Variants in AHRR observed in about 807,000 individuals in gnomAD.
The protein encoded by AHRR is ahR repressor.
Under a neutral mutation model 44.0 loss-of-function variants are expected in AHRR, and 28 were observed. The ratio of observed to expected loss-of-function variants is 0.64; its 90% CI spans 0.47 to 0.87. AHRR has a LOEUF of 0.87. Among genes scored for constraint, AHRR ranks in the 40% least tolerant of loss-of-function variants. AHRR has a pLI of 0.00. For missense variants in AHRR, 990 were observed against 953.9 expected, an observed-to-expected ratio of 1.04 and a Z score of -0.50; for synonymous variants, 434 against 407.0, an observed-to-expected ratio of 1.07 and a Z score of -0.80.
At chr5:354,001 GTC>G in intron 3 of AHRR, 90 bp downstream of exon 3, 3 of 1,386,204 alleles carry the variant, frequency 2.2e-6, no homozygotes, top group Non-Finnish European at 3.0e-6. Flanking sequence ...GGTGAAGTGT[GTC>G]TGGTGGGTTG....
chr5:407,328 A>AT (rs962228852), intron 4 of AHRR, among the ~76,000 whole-genome samples: 1 of 152,060 alleles, frequency 6.6e-6, no homozygotes, highest in African/African-American at 2.4e-5. Context: ...TTCAAATACA[A>AT]TTTTTTGTGT....
chr5:435,479 C>T lies in AHRR; in HGVS notation c.*645C>T, dbSNP rs1186200660. 1 of 152,706 alleles carries T rather than the reference C, an allele frequency of 6.5e-6. No homozygotes were observed. The highest frequency in any genetic ancestry group is 1.5e-5 in the Non-Finnish European group (1 of 68,326). 9.5% of individuals were successfully genotyped at this position (152,706 alleles called of 1,614,324 possible). On this transcript the variant is annotated 3_prime_UTR_variant, in exon 11 of 11. Transcript: ENST00000684583. ...CAGCAGAGGCTGGCAGCGTGGGTCC[C>T]ACACTGCCCCACACCGTGCGGCAGG...
intron 10 of AHRR, among the ~76,000 whole-genome samples, 183 bp from the exon 11 acceptor site, chr5:433,670 C>A (rs1327636192): frequency 1.3e-5 from 2 of 150,314 alleles, no homozygotes; most frequent in Non-Finnish European, 3.0e-5. Context: ...GGGTGGGGTG[C>A]TGGCACAGCC....
intron 5 of AHRR, chr5:421,331 G>A (rs1003355083): frequency 5.6e-5 from 39 of 693,864 alleles, no homozygotes; most frequent in Non-Finnish European, 8.9e-5. Context: ...TGCGGGGCAG[G>A]GGGATGCCGG....
At position 404,501 on chromosome 5, in the gene AHRR, A is replaced by C; in HGVS notation, c.352-8843A>C. On this transcript the variant is annotated intron_variant, in intron 4 of 10. Coordinates refer to ENST00000684583, the MANE Select transcript of AHRR (RefSeq NM_001377236.1). This position sits in a 1 kb window ranked among gnomAD's most constrained non-coding sequence, Gnocchi z 4.1. ...AAACATCTAACGCAACTATTTTCAGACTTTACGGTTTGTAGTGATAACCTC... is the reference window on the plus strand; with the variant it reads ...AAACATCTAACGCAACTATTTTCAGCCTTTACGGTTTGTAGTGATAACCTC... 1 of 450,836 alleles carries C rather than the reference A, an allele frequency of 2.2e-6. No homozygotes were observed. Among genetic ancestry groups the C allele is most frequent in the Non-Finnish European group, 4.4e-6 (1 of 224,724 alleles). 27.9% of individuals were successfully genotyped at this position (450,836 alleles called of 1,614,324 possible). A position where few individuals can be genotyped will look rare whatever the true frequency, so the allele number is the denominator to read the frequency against.
At chr5:416,648 A>G (rs1020308627) in intron 5 of AHRR, among the ~76,000 whole-genome samples, 1 of 152,118 alleles carries the variant, frequency 6.6e-6, no homozygotes. Flanking sequence ...CTCAGATCCC[A>G]TGGAGCTGCC....
intron 4 of AHRR, among the ~76,000 whole-genome samples, chr5:412,542 G>C (rs1735505588): frequency 6.6e-6 from 1 of 152,106 alleles, no homozygotes; most frequent in East Asian, 1.9e-4. Flanking sequence ...GGTTAAGTGA[G>C]GTTAATCAAT....
chr5:332,263 C>CTT lies in AHRR; in HGVS notation c.-11+10465_-11+10466dup, dbSNP rs36049046. ...AAGAAGAAAGAAAAATCTGTTAAGA[C>CTT]TTTTTTTTTTTTTTTTTTTTTTAAG... is the stretch of plus-strand genomic sequence containing the variant. On this transcript the variant is annotated intron_variant, in intron 1 of 10. Transcript: ENST00000684583. Among the ~76,000 whole-genome samples the CTT allele has an allele frequency of 2.9e-3, 340 of 116,970 alleles. 5 individuals are homozygous for CTT. Among genetic ancestry groups the CTT allele is most frequent in the East Asian group, 0.013 (54 of 4,010 alleles). 76.7% of individuals were successfully genotyped at this position (116,970 alleles called of 152,430 possible).
intron 1 of AHRR, among the ~76,000 whole-genome samples, chr5:325,204 C>T (rs1179240238): frequency 6.6e-6 from 1 of 152,238 alleles, no homozygotes; most frequent in Non-Finnish European, 1.5e-5. Flanking sequence ...CCCCGACCCG[C>T]TCTTGCCCTG....
At chr5:417,344 C>T (rs1288801817) in intron 5 of AHRR, among the ~76,000 whole-genome samples, 1 of 150,720 alleles carries the variant, frequency 6.6e-6, no homozygotes, top group Admixed American at 6.6e-5. Flanking sequence ...ATGTGCAGGG[C>T]CTGAGTTTAG....
chr5:372,665 AC>A (rs1248295701), intron 3 of AHRR, among the ~76,000 whole-genome samples: 2 of 150,718 alleles, frequency 1.3e-5, no homozygotes, highest in East Asian at 3.9e-4. Flanking sequence ...CTGACCTCCC[AC>A]CCTCCGTCTG....
chr5:363,425 G>A (rs1464468309), intron 3 of AHRR, among the ~76,000 whole-genome samples: 2 of 152,154 alleles, frequency 1.3e-5, no homozygotes, highest in Non-Finnish European at 2.9e-5. Context: ...TTAGCCCTAG[G>A]TGGCCGTGGT....
intron 3 of AHRR, among the ~76,000 whole-genome samples, chr5:369,855 G>A (rs1027697744): frequency 6.6e-6 from 1 of 152,200 alleles, no homozygotes; most frequent in Non-Finnish European, 1.5e-5. Flanking sequence ...AAGGCAAAAC[G>A]GTTTCTCATC....
At chr5:413,784 C>A (rs543295881) in intron 5 of AHRR, among the ~76,000 whole-genome samples, 1 of 152,350 alleles carries the variant, frequency 6.6e-6, no homozygotes, top group African/African-American at 2.4e-5. Context: ...TAAGCCTCAG[C>A]TTCTTGGTGC....
chr5:424,013 A>G, intron 7 of AHRR, 36 bp downstream of exon 7: 2 of 1,582,366 alleles, frequency 1.3e-6, no homozygotes, highest in Non-Finnish European at 1.7e-6. Flanking sequence ...GGCTCCCGAC[A>G]TCTGGGATGC....
intron 3 of AHRR, 76 bp from the exon 4 acceptor site, chr5:376,534 C>T: frequency 6.8e-7 from 1 of 1,464,624 alleles, no homozygotes; most frequent in Non-Finnish European, 9.2e-7. Context: ...CGGGGAAACA[C>T]AGGAAAGATG....
At chr5:335,229 AG>A (rs1742077443) in intron 1 of AHRR, among the ~76,000 whole-genome samples, 1 of 152,106 alleles carries the variant, frequency 6.6e-6, no homozygotes, top group African/African-American at 2.4e-5. Flanking sequence ...GCGAGTGAGC[AG>A]GCTTCCTAGT....
At chr5:428,150 A>G (rs1736555572) in intron 8 of AHRR, 144 bp downstream of exon 8, 1 of 962,618 alleles carries the variant, frequency 1.0e-6, no homozygotes, top group African/African-American at 1.7e-5. Context: ...TCATTACACA[A>G]CATAGGCAGC....
rs1021484208 is a variant in AHRR at position 405,655 on chromosome 5, G to T, written c.352-7689G>T. ...CAGGTCGGTGGGAGTGAGGGCCTTC[G>T]GGTCGCCGGCACCTGACCCAGCAGC... On this transcript the variant is annotated intron_variant, in intron 4 of 10. Coordinates refer to ENST00000684583, the MANE Select transcript of AHRR (RefSeq NM_001377236.1). The surrounding 1 kb of genome is among the most constrained non-coding windows in gnomAD (Gnocchi z 4.5). Among the ~76,000 whole-genome samples, 80 of 152,196 alleles carry T rather than the reference G, an allele frequency of 5.3e-4. No homozygotes were observed. The highest frequency in any genetic ancestry group is 1.7e-3 in the African/African-American group (70 of 41,548).
Sources: allele counts gnomAD v4.1 joint callset (sites outside exome capture counted in the v4.1 genomes callset), GRCh38; gene constraint gnomAD v4.1.1; non-coding constraint Gnocchi (gnomAD v3.1); transcripts MANE v1.5; gene names NCBI Gene and HGNC (gene_info 2026-07-23, HGNC 2026-07-21).